Variants in BRINP1 observed in about 807,000 individuals in gnomAD.
BRINP1 encodes BMP/retinoic acid-inducible neural-specific protein 1.
In BRINP1, 17 loss-of-function variants were observed where a neutral mutation model predicts 72.9. The ratio of observed to expected loss-of-function variants is 0.23; its 90% CI spans 0.16 to 0.35. The LOEUF (loss-of-function observed/expected upper bound fraction) is 0.35. Among genes scored for constraint, BRINP1 ranks in the 10% least tolerant of loss-of-function variants. BRINP1 has a pLI of 1.00. For missense variants in BRINP1, 850 were observed against 1,001.6 expected, an observed-to-expected ratio of 0.85 and a Z score of 2.04; for synonymous variants, 418 against 378.5, an observed-to-expected ratio of 1.10 and a Z score of -1.21.
rs562050784 is a variant in BRINP1 at position 119,176,890 on chromosome 9, G to A, written c.1146-8666C>T. ...TGCTTATCGGCTGGGAAAAAATGGC[G>A]GAATAATTAGTGGGCTCCTTGAAAC... On this transcript the variant is annotated intron_variant, in intron 7 of 7. Transcript: ENST00000265922. Among the ~76,000 whole-genome samples, 19 of 152,130 alleles carry A rather than the reference G, an allele frequency of 1.2e-4. No individual in the cohort carries two copies. The South Asian group carries it at 2.3e-3, about 18-fold the overall frequency.
chr9:119,318,645 TC>T (rs1303413909), intron 1 of BRINP1, among the ~76,000 whole-genome samples: 68 of 152,206 alleles, frequency 4.5e-4, no homozygotes, highest in African/African-American at 1.6e-3. Context: ...TGTTGGGAGA[TC>T]CTGGTAGTGA....
At chr9:119,268,862 A>G (rs1830580138) in intron 2 of BRINP1, among the ~76,000 whole-genome samples, 1 of 152,214 alleles carries the variant, frequency 6.6e-6, no homozygotes, top group African/African-American at 2.4e-5. Context: ...CCCATCCAAC[A>G]AGACCAAAAT....
In BRINP1 at chr9:119,173,994, G is replaced by GGATT. The variant is rs1348636833; in HGVS notation, c.1146-5774_1146-5771dup. On this transcript the variant is annotated intron_variant, in intron 7 of 7. Coordinates refer to ENST00000265922, the MANE Select transcript of BRINP1 (RefSeq NM_014618.3). ...CCTTATACAAAAATCAATTCAAGATGGATTAAAGACTTAAACGTTAGACAG... is the reference window on the plus strand; with the variant it reads ...CCTTATACAAAAATCAATTCAAGATGGATTGATTAAAGACTTAAACGTTAGACAG... Among the ~76,000 whole-genome samples the GGATT allele has an allele frequency of 2.6e-5, 3 of 114,842 alleles. No homozygotes were observed. In the East Asian group the frequency reaches 6.6e-4, roughly 25 times the overall value. The allele number at this position is 114,842 out of a possible 152,430, so 75.3% of individuals were successfully genotyped here.
intron 7 of BRINP1, among the ~76,000 whole-genome samples, chr9:119,169,543 C>T (rs230099): frequency 0.08 from 12,171 of 152,192 alleles, 1,501 homozygotes; most frequent in African/African-American, 0.27. Context: ...AAGGCGGCAG[C>T]GGGCTGGGGG....
intron 1 of BRINP1, among the ~76,000 whole-genome samples, chr9:119,324,011 G>T (rs942795548): frequency 1.3e-5 from 2 of 152,138 alleles, no homozygotes; most frequent in Non-Finnish European, 2.9e-5. Context: ...AATGTCAGAG[G>T]AAACCTGATC....
intron 7 of BRINP1, among the ~76,000 whole-genome samples, chr9:119,190,600 G>T (rs1474443330): frequency 6.6e-6 from 1 of 151,796 alleles, no homozygotes; most frequent in East Asian, 1.9e-4. Context: ...GTTTGAATCA[G>T]GAAGAAAAAG....
At chr9:119,332,583 C>T (rs1012950838) in intron 1 of BRINP1, among the ~76,000 whole-genome samples, 3 of 152,178 alleles carry the variant, frequency 2.0e-5, no homozygotes, top group East Asian at 1.9e-4. Context: ...GTACACAAGA[C>T]ACCTTGTGAG....
chr9:119,176,266 G>T (rs753209488), intron 7 of BRINP1, among the ~76,000 whole-genome samples: 3 of 152,136 alleles, frequency 2.0e-5, no homozygotes, highest in Non-Finnish European at 4.4e-5. Context: ...CTTTCCTAAG[G>T]CTGTCGTGCT....
At position 119,168,056 on chromosome 9, in the gene BRINP1, C is replaced by T. The variant is rs1829341992; in HGVS notation, c.1314G>A (p.Met438Ile). The T allele has an allele frequency of 6.2e-7, 1 of 1,610,912 alleles. No individual in the cohort carries two copies. Among genetic ancestry groups the T allele is most frequent in the Admixed American group, 1.7e-5 (1 of 59,760 alleles). The change falls in exon 8 of 8, where the codon ATG (methionine) becomes ATA (isoleucine). Residue 438 changes from methionine to isoleucine, a missense_variant. Transcript: ENST00000265922. ...AGAGGGAGATGTTGGCCAGGCTGCA[C>T]ATGGCGCAGCTGTTGTTCCCGCCTA... ...CVIGGNNSCAMCSLANISLCG... is the reference protein window; with the variant it reads ...CVIGGNNSCAICSLANISLCG...
intron 7 of BRINP1, among the ~76,000 whole-genome samples, chr9:119,183,497 C>CG (rs374055938): frequency 2.6e-5 from 4 of 152,030 alleles, no homozygotes; most frequent in African/African-American, 7.2e-5. Flanking sequence ...GAAGAAGACA[C>CG]GGGGGGCTGT....
intron 2 of BRINP1, among the ~76,000 whole-genome samples, chr9:119,255,003 C>T (rs1242508944): frequency 1.3e-5 from 2 of 152,132 alleles, no homozygotes; most frequent in African/African-American, 4.8e-5. Flanking sequence ...ACACAGCAAA[C>T]GATCAGGAAG....
intron 2 of BRINP1, chr9:119,282,724 T>C (rs1830725318): frequency 7.8e-6 from 7 of 898,316 alleles, no homozygotes; most frequent in African/African-American, 1.8e-5. Context: ...GGAAGGGGAC[T>C]GGGGAACAAG....
At chr9:119,173,273 C>T (rs1348987933) in intron 7 of BRINP1, among the ~76,000 whole-genome samples, 6 of 150,686 alleles carry the variant, frequency 4.0e-5, no homozygotes, top group Non-Finnish European at 8.8e-5. Flanking sequence ...TGATAAGCAA[C>T]TTCAGCAAAG....
intron 2 of BRINP1, among the ~76,000 whole-genome samples, chr9:119,261,450 T>C (rs980150944): frequency 6.6e-6 from 1 of 152,190 alleles, no homozygotes; most frequent in African/African-American, 2.4e-5. Context: ...TCTGAGTTCA[T>C]TGGACAGTAC....
At chr9:119,320,581 T>C (rs1278241568) in intron 1 of BRINP1, among the ~76,000 whole-genome samples, 1 of 152,032 alleles carries the variant, frequency 6.6e-6, no homozygotes, top group Non-Finnish European at 1.5e-5. Context: ...AGAGTGGAGG[T>C]GCTGCTTTCT....
intron 1 of BRINP1, among the ~76,000 whole-genome samples, chr9:119,322,225 T>C (rs1831196528): frequency 6.6e-6 from 1 of 152,168 alleles, no homozygotes. Context: ...TTAGAGCTTG[T>C]GAAAGAGAGG....
chr9:119,318,030 T>A (rs1425610846), intron 1 of BRINP1, among the ~76,000 whole-genome samples: 1 of 152,250 alleles, frequency 6.6e-6, no homozygotes, highest in Non-Finnish European at 1.5e-5. Context: ...ATTGTGGTCA[T>A]CTGGAACGCA....
At chr9:119,309,545 A>T (rs1831039982) in intron 2 of BRINP1, among the ~76,000 whole-genome samples, 1 of 152,196 alleles carries the variant, frequency 6.6e-6, no homozygotes, top group South Asian at 2.1e-4. Context: ...AAGTGAAAAT[A>T]AGTTACTTTG....
intron 2 of BRINP1, among the ~76,000 whole-genome samples, chr9:119,301,125 G>A (rs567578036): frequency 6.6e-6 from 1 of 152,252 alleles, no homozygotes; most frequent in East Asian, 1.9e-4. Context: ...GAATGTTCCA[G>A]GTAGTTTAAA....
Sources: gnomAD v4.1 joint callset for allele counts (sites outside exome capture counted in the v4.1 genomes callset) on GRCh38, gnomAD v4.1.1 for gene constraint, MANE v1.5 for transcripts, NCBI Gene and HGNC (gene_info 2026-07-23, HGNC 2026-07-21) for gene names.